ELOVL6: variants seen among roughly 807,000 people sequenced by gnomAD.
ELOVL6 encodes very long chain fatty acid elongase 6.
ELOVL6 carries 8 observed loss-of-function variants against 31.7 expected under a neutral mutation model. The ratio of observed to expected loss-of-function variants is 0.25; its 90% confidence interval spans 0.15 to 0.45. The LOEUF (loss-of-function observed/expected upper bound fraction) is 0.45, where lower values mean the gene tolerates loss of function less well. Ranked by LOEUF, ELOVL6 falls within the 20% of genes least tolerant of loss-of-function variation. The probability of loss-of-function intolerance (pLI) is 1.00; values close to 1 mark genes in which losing one functional copy is unlikely to be tolerated. For synonymous variants in ELOVL6, 101 were observed against 117.7 expected (o/e 0.86, Z 0.92); for missense variants, 126 against 326.4 (o/e 0.39, Z 4.73).
At chr4:110,064,464 CTTT>C (rs1026784292) in intron 2 of ELOVL6, among the ~76,000 whole-genome samples, 1 of 151,898 alleles carries the variant, frequency 6.6e-6, no homozygotes, top group Non-Finnish European at 1.5e-5. Context: ...CTATTTGACT[CTTT>C]TTTATTTTTT....
chr4:110,075,393 A>T (rs922446889), intron 2 of ELOVL6, among the ~76,000 whole-genome samples: 5 of 152,070 alleles, frequency 3.3e-5, no homozygotes, highest in South Asian at 4.2e-4. Context: ...ATGAATGGAT[A>T]AAAAAAATGT....
At chr4:110,153,695 A>G (rs1758340371) in intron 1 of ELOVL6, among the ~76,000 whole-genome samples, 1 of 152,244 alleles carries the variant, frequency 6.6e-6, no homozygotes, top group Non-Finnish European at 1.5e-5. Context: ...TTATGCTCCA[A>G]CATATATAGA....
intron 1 of ELOVL6, chr4:110,197,950 C>T: frequency 2.2e-6 from 1 of 460,916 alleles, no homozygotes; most frequent in Admixed American, 3.8e-5. Context: ...ATCTCTCCCG[C>T]CTTCCCTGTC....
intron 1 of ELOVL6, among the ~76,000 whole-genome samples, chr4:110,111,233 C>G (rs1757025680): frequency 6.6e-6 from 1 of 152,110 alleles, no homozygotes; most frequent in South Asian, 2.1e-4. Context: ...TGTATTACAA[C>G]TGGACATAAG....
At chr4:110,089,635 G>C (rs1050569625) in intron 2 of ELOVL6, among the ~76,000 whole-genome samples, 2 of 152,170 alleles carry the variant, frequency 1.3e-5, no homozygotes, top group African/African-American at 4.8e-5. Flanking sequence ...TTGAGATGCA[G>C]GCAGAAGATC....
intron 1 of ELOVL6, among the ~76,000 whole-genome samples, chr4:110,155,403 G>T (rs1203244322): frequency 6.6e-6 from 1 of 151,424 alleles, no homozygotes; most frequent in African/African-American, 2.4e-5. Context: ...CTAATCTATA[G>T]CAAAAAAAAT....
At chr4:110,058,323 G>A (rs896085038) in intron 3 of ELOVL6, among the ~76,000 whole-genome samples, 3 of 152,170 alleles carry the variant, frequency 2.0e-5, no homozygotes, top group South Asian at 2.1e-4. Flanking sequence ...ACATGCACGC[G>A]GTAGTTATCT....
chr4:110,161,206 T>C (rs909387020), intron 1 of ELOVL6, among the ~76,000 whole-genome samples: 10 of 152,196 alleles, frequency 6.6e-5, no homozygotes, highest in Non-Finnish European at 1.3e-4. Flanking sequence ...AAGCTCGTAG[T>C]TTACTCAAAT....
intron 1 of ELOVL6, among the ~76,000 whole-genome samples, chr4:110,177,152 A>G (rs1222918807): frequency 1.3e-5 from 2 of 152,220 alleles, no homozygotes; most frequent in African/African-American, 4.8e-5. Context: ...CAATAATAAG[A>G]GCAGATCTAG....
chr4:110,164,230 A>G (rs1758706353), intron 1 of ELOVL6, among the ~76,000 whole-genome samples: 1 of 152,190 alleles, frequency 6.6e-6, no homozygotes, highest in South Asian at 2.1e-4. Flanking sequence ...AAGTTCACCA[A>G]GTCATTAAGT....
chr4:110,141,063 GTTTT>G (rs376811801), intron 1 of ELOVL6, among the ~76,000 whole-genome samples: 1 of 151,614 alleles, frequency 6.6e-6, no homozygotes, highest in Non-Finnish European at 1.5e-5. Flanking sequence ...TATTGAATTG[GTTTT>G]TTTTGTTTTT....
At chr4:110,083,987 C>T (rs13119460) in intron 2 of ELOVL6, among the ~76,000 whole-genome samples, 1,280 of 6,454 alleles carry the variant, frequency 0.2, 230 homozygotes, top group Middle Eastern at 0.33. Context: ...ATGCCATATA[C>T]GATATATAAC....
At chr4:110,194,624 T>C (rs776604587) in intron 1 of ELOVL6, among the ~76,000 whole-genome samples, 1 of 152,216 alleles carries the variant, frequency 6.6e-6, no homozygotes, top group East Asian at 1.9e-4. Flanking sequence ...TTTATACAAA[T>C]GCTACTCCAA....
chr4:110,090,932 C>T (rs1186271172), intron 2 of ELOVL6, among the ~76,000 whole-genome samples: 1 of 152,092 alleles, frequency 6.6e-6, no homozygotes, highest in Non-Finnish European at 1.5e-5. Context: ...TTTAGAAATT[C>T]AGATTCAATT....
chr4:110,086,802 A>T (rs2126237357), intron 2 of ELOVL6, among the ~76,000 whole-genome samples: 1 of 152,252 alleles, frequency 6.6e-6, no homozygotes, highest in South Asian at 2.1e-4. Context: ...ACAACATTAG[A>T]TATAGATTTA....
intron 1 of ELOVL6, among the ~76,000 whole-genome samples, chr4:110,137,475 C>G (rs937314066): frequency 6.6e-6 from 1 of 152,118 alleles, no homozygotes; most frequent in Non-Finnish European, 1.5e-5. Context: ...TTTTCAGTAG[C>G]CCCTTTTCAA....
At chr4:110,076,366 G>A (rs929763228) in intron 2 of ELOVL6, among the ~76,000 whole-genome samples, 3 of 152,066 alleles carry the variant, frequency 2.0e-5, no homozygotes, top group African/African-American at 7.2e-5. Context: ...ACATTCCATG[G>A]TGATGTTTTA....
chr4:110,180,128 A>G (rs941336692), intron 1 of ELOVL6, among the ~76,000 whole-genome samples: 2 of 152,138 alleles, frequency 1.3e-5, no homozygotes, highest in Non-Finnish European at 2.9e-5. Context: ...TTTTTCTTTT[A>G]GTATATGCCA....
At chr4:110,147,998 C>T (rs1245777010) in intron 1 of ELOVL6, among the ~76,000 whole-genome samples, 1 of 151,576 alleles carries the variant, frequency 6.6e-6, no homozygotes, top group East Asian at 1.9e-4. Flanking sequence ...CCTGTAATCC[C>T]AGCTATCTGG....
Sources: gnomAD v4.1 joint callset for allele counts (sites outside exome capture counted in the v4.1 genomes callset) on GRCh38, gnomAD v4.1.1 for gene constraint, MANE v1.5 for transcripts, NCBI Gene and HGNC (gene_info 2026-07-23, HGNC 2026-07-21) for gene names.